The following CNTN4 variants were observed in gnomAD, a reference collection of about 807,000 sequenced individuals.
The protein encoded by CNTN4 is contactin-4.
A neutral mutation model predicts 122.5 loss-of-function variants in CNTN4; 77 were observed. That is an observed-to-expected ratio of 0.63 (90% CI 0.52 to 0.76). CNTN4 has a LOEUF of 0.76. CNTN4 is among the 30% of genes least tolerant of loss of function. CNTN4 has a pLI of 0.00. For missense variants in CNTN4, 1,256 were observed against 1,259.1 expected, an observed-to-expected ratio of 1.00 and a Z score of 0.04; for synonymous variants, 512 against 447.0, an observed-to-expected ratio of 1.15 and a Z score of -1.83.
chr3:2,639,471 C>T lies in CNTN4; in HGVS notation c.55+67913C>T, dbSNP rs74664633. Among the ~76,000 whole-genome samples, 98 of 152,290 alleles carry T rather than the reference C, an allele frequency of 6.4e-4. 4 individuals are homozygous for T. The East Asian group carries it at 0.017, about 27-fold the overall frequency. On this transcript the variant is annotated intron_variant, in intron 4 of 24. Transcript: ENST00000418658. The stretch of plus-strand genomic sequence containing the variant: ...AACACCTATTTCCTACTGCATCTTA[C>T]GCACTTCCCTCCACATTCATGGAGC...
intron 16 of CNTN4, among the ~76,000 whole-genome samples, chr3:3,032,349 T>A (rs535023098): frequency 1.3e-5 from 2 of 152,226 alleles, no homozygotes; most frequent in Non-Finnish European, 2.9e-5. Context: ...CTAATAAATA[T>A]TTAAATCAGC....
chr3:2,186,868 C>G (rs984900622), intron 2 of CNTN4, among the ~76,000 whole-genome samples: 1 of 152,112 alleles, frequency 6.6e-6, no homozygotes, highest in African/African-American at 2.4e-5. Context: ...TTCTCCCATT[C>G]TGTAGGTTGC....
intron 4 of CNTN4, among the ~76,000 whole-genome samples, chr3:2,618,194 C>A (rs1455375676): frequency 6.6e-6 from 1 of 151,874 alleles, no homozygotes; most frequent in Non-Finnish European, 1.5e-5. Flanking sequence ...GAAAACAGTT[C>A]TTAGAACAAT....
chr3:2,507,788 G>A lies in CNTN4; in HGVS notation c.-88-63628G>A, dbSNP rs550899421. Among the ~76,000 whole-genome samples the A allele has an allele frequency of 4.2e-5, 6 of 141,758 alleles. No individual in the cohort carries two copies. In the South Asian group the frequency reaches 9.0e-4, roughly 21 times the overall value. The allele number at this position is 141,758 out of a possible 152,430, so 93.0% of individuals were successfully genotyped here. A position where few individuals can be genotyped will look rare whatever the true frequency, so the allele number is the denominator to read the frequency against. Reference sequence around the variant, plus strand: ...AAAGAAAATTGGCTTTTTTTTTTTAGCCATTAAAATAAGGATAAGTCAGTT... The same window carrying A: ...AAAGAAAATTGGCTTTTTTTTTTTAACCATTAAAATAAGGATAAGTCAGTT... On this transcript the variant is annotated intron_variant, in intron 3 of 24. Transcript: ENST00000418658.
chr3:2,201,909 C>G (rs73099934), intron 2 of CNTN4, among the ~76,000 whole-genome samples: 6,797 of 151,926 alleles, frequency 0.045, 265 homozygotes, highest in African/African-American at 0.11. Context: ...TTAAAAAAAT[C>G]TTACTTATCT....
At chr3:2,958,519 T>G (rs2094822799) in intron 13 of CNTN4, among the ~76,000 whole-genome samples, 1 of 152,206 alleles carries the variant, frequency 6.6e-6, no homozygotes, top group Non-Finnish European at 1.5e-5. Context: ...ATCTGCATTT[T>G]TTTGAATTAT....
chr3:2,430,422 C>CAAA lies in CNTN4; in HGVS notation c.-89+91206_-89+91208dup, dbSNP rs545639324. ...GGGTGACAGAGCAAGACTCTTGTCT[C>CAAA]AAAAAAAAAAAAAAAAAAAGGAAAT... On this transcript the variant is annotated intron_variant, in intron 3 of 24. Coordinates refer to ENST00000418658, the MANE Select transcript of CNTN4 (RefSeq NM_175607.3). Among the ~76,000 whole-genome samples the CAAA allele has an allele frequency of 5.0e-3, 303 of 60,180 alleles. 1 individual carries two copies. The highest frequency in any genetic ancestry group is 0.015 in the African/African-American group (264 of 17,414). 39.5% of individuals were successfully genotyped at this position (60,180 alleles called of 152,430 possible).
At chr3:2,234,773 TTTTTTCTCTTCTC>T (rs1176710608) in intron 2 of CNTN4, among the ~76,000 whole-genome samples, 2 of 152,206 alleles carry the variant, frequency 1.3e-5, no homozygotes, top group African/African-American at 2.4e-5. Context: ...TCTCTTTTAC[TTTTTTCTCTTCTC>T]TTTTTCTCTT....
intron 4 of CNTN4, among the ~76,000 whole-genome samples, chr3:2,618,320 G>A (rs529460133): frequency 6.6e-6 from 1 of 152,018 alleles, no homozygotes; most frequent in Non-Finnish European, 1.5e-5. Flanking sequence ...TATAATATGT[G>A]TATATGTGTA....
At chr3:2,942,690 G>A (rs1303371018) in intron 13 of CNTN4, among the ~76,000 whole-genome samples, 9 of 152,150 alleles carry the variant, frequency 5.9e-5, no homozygotes, top group Admixed American at 1.3e-4. Flanking sequence ...GAGATGGGGT[G>A]GGAGGTGATG....
chr3:2,230,529 C>A (rs1388270950), intron 2 of CNTN4, among the ~76,000 whole-genome samples: 1 of 152,110 alleles, frequency 6.6e-6, no homozygotes, highest in East Asian at 1.9e-4. Context: ...CCTTCCCATG[C>A]CCAGTGAAGA....
intron 13 of CNTN4, among the ~76,000 whole-genome samples, chr3:2,935,970 G>C (rs931983979): frequency 6.6e-6 from 1 of 152,194 alleles, no homozygotes; most frequent in African/African-American, 2.4e-5. Context: ...AAATGTATTT[G>C]AAAGGAAAGT....
intron 4 of CNTN4, among the ~76,000 whole-genome samples, chr3:2,734,575 G>A (rs924174856): frequency 1.3e-5 from 2 of 151,046 alleles, no homozygotes; most frequent in Admixed American, 6.6e-5. Flanking sequence ...TCAGTCCCCA[G>A]TAATAAGATA....
chr3:2,421,961 TAAAAA>T (rs35895426), intron 3 of CNTN4, among the ~76,000 whole-genome samples: 103 of 145,638 alleles, frequency 7.1e-4, no homozygotes, highest in African/African-American at 2.4e-3. Context: ...ATGTCATTCA[TAAAAA>T]AAAAAAATTA....
At chr3:2,172,528 C>G (rs2036562205) in intron 2 of CNTN4, among the ~76,000 whole-genome samples, 2 of 152,114 alleles carry the variant, frequency 1.3e-5, no homozygotes, top group Admixed American at 6.6e-5. Context: ...CCAAAAACCA[C>G]CTGTACCCTA....
chr3:2,242,471 T>G (rs960675981), intron 2 of CNTN4, among the ~76,000 whole-genome samples: 1 of 152,154 alleles, frequency 6.6e-6, no homozygotes, highest in African/African-American at 2.4e-5. Context: ...GGGGTACATA[T>G]GCAGGATGTG....
chr3:2,736,073 T>A, intron 4 of CNTN4, 142 bp from the exon 5 acceptor site: 1 of 866,986 alleles, frequency 1.2e-6, no homozygotes, highest in Non-Finnish European at 2.0e-6. Context: ...GAAATTTTCT[T>A]CTAGAAGCTG....
Position 2,354,687 on chromosome 3 carries a change from T to C in CNTN4, c.-89+15454T>C, listed in dbSNP as rs531773482. Among the ~76,000 whole-genome samples the C allele has an allele frequency of 1.7e-4, 26 of 152,254 alleles. 1 individual carries two copies. The South Asian group carries it at 5.4e-3, about 32-fold the overall frequency. On this transcript the variant is annotated intron_variant, in intron 3 of 24. Transcript: ENST00000418658. ...AGAGTCTGATATTAGCAGCAGGCAG[T>C]TGTGCTGTAGTGCTTTCAGCTGGTA...
intron 4 of CNTN4, among the ~76,000 whole-genome samples, chr3:2,601,533 G>C (rs555842900): frequency 3.9e-5 from 6 of 152,202 alleles, no homozygotes; most frequent in African/African-American, 1.2e-4. Context: ...TTATTTCTGA[G>C]GGCTCTGTTC....
Sources: allele counts gnomAD v4.1 joint callset (sites outside exome capture counted in the v4.1 genomes callset), GRCh38; gene constraint gnomAD v4.1.1; transcripts MANE v1.5; gene names NCBI Gene and HGNC (gene_info 2026-07-23, HGNC 2026-07-21).